PCDH9: variants seen among roughly 807,000 people sequenced by gnomAD.
PCDH9 encodes protocadherin-9.
In PCDH9, 24 loss-of-function variants were observed where a neutral mutation model predicts 70.6. The observed-to-expected ratio is 0.34, with a 90% CI of 0.25 to 0.48. The LOEUF is 0.48. PCDH9 is among the 20% of genes least tolerant of loss of function. The probability of loss-of-function intolerance (pLI) is 0.99; values close to 1 mark genes in which losing one functional copy is unlikely to be tolerated. For missense variants in PCDH9, 1,281 were observed against 1,503.6 expected, an observed-to-expected ratio of 0.85 and a Z score of 2.45; for synonymous variants, 562 against 558.5, an observed-to-expected ratio of 1.01 and a Z score of -0.09.
In PCDH9 at chr13:67,227,370, A is replaced by G; in HGVS notation, c.1071T>C (p.Asn357=). 6.2e-7 allele frequency: 1 copy of G among 1,614,020 alleles called. No individual in the cohort carries two copies. Among genetic ancestry groups the G allele is most frequent in the African/African-American group, 1.3e-5 (1 of 75,026 alleles). The change falls in exon 2 of 5, where the codon AAT becomes AAC. Residue 357 remains asparagine, a synonymous_variant. Transcript: ENST00000377865. The surrounding 1 kb of genome is among the most constrained non-coding windows in gnomAD (Gnocchi z 4.6). ...NVTDVNDNPP[N]IDLRYIISPI... ...GACTTATAATGTACCTGAGGTCTAT[A>G]TTAGGAGGGTTATCATTTACATCGG...
At chr13:67,028,750 G>A (rs576324367) in intron 2 of PCDH9, among the ~76,000 whole-genome samples, 10 of 151,664 alleles carry the variant, frequency 6.6e-5, no homozygotes, top group African/African-American at 9.7e-5. Flanking sequence ...TTCTCACCTC[G>A]AAAATGTTTA....
intron 4 of PCDH9, among the ~76,000 whole-genome samples, chr13:66,601,653 A>G (rs1460953348): frequency 2.7e-5 from 4 of 146,352 alleles, no homozygotes; most frequent in African/African-American, 9.9e-5. Flanking sequence ...ATGTGTTGAC[A>G]TTTTTGCAGA....
intron 3 of PCDH9, among the ~76,000 whole-genome samples, chr13:66,869,991 C>CCATAGGGTGT (rs1566254141): frequency 1.3e-5 from 2 of 152,132 alleles, no homozygotes; most frequent in Non-Finnish European, 2.9e-5. Flanking sequence ...ACATGAAGTC[C>CCATAGGGTGT]TTGCCCATCC....
At chr13:67,126,564 A>G (rs1400651377) in intron 2 of PCDH9, among the ~76,000 whole-genome samples, 1 of 152,202 alleles carries the variant, frequency 6.6e-6, no homozygotes, top group Non-Finnish European at 1.5e-5. Context: ...TTAAAAATAA[A>G]TAGGGGCCTG....
chr13:66,356,173 T>G (rs1956378424), intron 4 of PCDH9, among the ~76,000 whole-genome samples: 1 of 152,140 alleles, frequency 6.6e-6, no homozygotes, highest in Non-Finnish European at 1.5e-5. Flanking sequence ...AGGGCTCCAA[T>G]GAATTAATGA....
At chr13:67,200,684 A>T (rs2089187913) in intron 2 of PCDH9, among the ~76,000 whole-genome samples, 1 of 152,060 alleles carries the variant, frequency 6.6e-6, no homozygotes, top group African/African-American at 2.4e-5. Context: ...CCTCCTTGTA[A>T]CTGCTTCTCT....
intron 2 of PCDH9, chr13:67,214,928 C>A (rs1312876155): frequency 8.4e-5 from 4 of 47,452 alleles, no homozygotes; most frequent in Non-Finnish European, 2.0e-4. Context: ...CTGGCTATTG[C>A]GAGCCAGATA....
intron 2 of PCDH9, among the ~76,000 whole-genome samples, chr13:67,181,764 A>G (rs1299077090): frequency 6.6e-6 from 1 of 152,012 alleles, no homozygotes; most frequent in Non-Finnish European, 1.5e-5. Context: ...TTAGGCCATA[A>G]AAAAAAACAC....
intron 3 of PCDH9, among the ~76,000 whole-genome samples, chr13:66,708,198 C>T (rs376827324): frequency 8.0e-5 from 12 of 150,848 alleles, no homozygotes; most frequent in Non-Finnish European, 1.5e-4. Context: ...TACAGGCGCC[C>T]GCCACTACGC....
chr13:67,059,601 G>A (rs74589424), intron 2 of PCDH9, among the ~76,000 whole-genome samples: 15,332 of 151,190 alleles, frequency 0.1, 859 homozygotes, highest in South Asian at 0.14. Flanking sequence ...AGAGAGTCCA[G>A]GCACATACGG....
At chr13:66,686,549 TTATC>T (rs1401879426) in intron 3 of PCDH9, among the ~76,000 whole-genome samples, 2 of 152,192 alleles carry the variant, frequency 1.3e-5, no homozygotes, top group Non-Finnish European at 2.9e-5. Context: ...TAACACCAAT[TTATC>T]TATATGCTGC....
rs575115221 is a variant in PCDH9, at chr13:67,086,012, C to A, written c.3036+139393G>T. On this transcript the variant is annotated intron_variant, in intron 2 of 4. Transcript: ENST00000377865. Reference sequence around the variant, plus strand: ...TATAGCCTATAGTTTTCTCCCTAATCATGTTTATAACTAAGGAAAATATTA... The same window carrying A: ...TATAGCCTATAGTTTTCTCCCTAATAATGTTTATAACTAAGGAAAATATTA... 9.2e-5 allele frequency among the ~76,000 whole-genome samples: 14 copies of A among 152,222 alleles called. No individual in the cohort carries two copies. In the South Asian group the frequency reaches 2.7e-3, roughly 29 times the overall value.
intron 2 of PCDH9, among the ~76,000 whole-genome samples, chr13:66,972,129 G>A (rs1404799492): frequency 6.6e-6 from 1 of 151,834 alleles, no homozygotes; most frequent in Non-Finnish European, 1.5e-5. Flanking sequence ...AGCTCCACCT[G>A]AATGTATTGC....
intron 4 of PCDH9, among the ~76,000 whole-genome samples, chr13:66,358,565 T>C (rs1012065166): frequency 2.0e-5 from 3 of 151,910 alleles, no homozygotes; most frequent in African/African-American, 7.2e-5. Flanking sequence ...TTTTTCAAGG[T>C]ATACATTATG....
At chr13:66,425,026 C>T (rs572173585) in intron 4 of PCDH9, among the ~76,000 whole-genome samples, 1 of 151,758 alleles carries the variant, frequency 6.6e-6, no homozygotes, top group South Asian at 2.1e-4. Flanking sequence ...CAAACCACAA[C>T]AAAGAGAAGG....
intron 3 of PCDH9, among the ~76,000 whole-genome samples, chr13:66,853,120 C>T (rs1430825042): frequency 6.6e-6 from 1 of 150,836 alleles, no homozygotes; most frequent in African/African-American, 2.4e-5. Context: ...TTATTTTCTC[C>T]AGTATAGTAC....
chr13:66,425,381 G>A (rs932091438), intron 4 of PCDH9, among the ~76,000 whole-genome samples: 8 of 151,548 alleles, frequency 5.3e-5, no homozygotes, highest in African/African-American at 1.9e-4. Context: ...CACCGACTAG[G>A]TAACTAAGTT....
chr13:66,497,814 CTTTT>C (rs763360211), intron 4 of PCDH9, among the ~76,000 whole-genome samples: 3 of 111,332 alleles, frequency 2.7e-5, no homozygotes, highest in African/African-American at 3.2e-5. Flanking sequence ...CACACTCTTA[CTTTT>C]TTTTTTTTTT....
At chr13:66,452,381 A>T (rs115208744) in intron 4 of PCDH9, among the ~76,000 whole-genome samples, 4,868 of 152,160 alleles carry the variant, frequency 0.032, 201 homozygotes, top group African/African-American at 0.097. Flanking sequence ...CAAGTTTTAA[A>T]CTCTGCCAAC....
Sources: allele counts gnomAD v4.1 joint callset (sites outside exome capture counted in the v4.1 genomes callset), GRCh38; gene constraint gnomAD v4.1.1; non-coding constraint Gnocchi (gnomAD v3.1); transcripts MANE v1.5; gene names NCBI Gene and HGNC (gene_info 2026-07-23, HGNC 2026-07-21).